MICAL1: variants seen among roughly 807,000 people sequenced by gnomAD.
The protein encoded by MICAL1 is [F-actin]-monooxygenase MICAL1.
MICAL1 carries 95 observed loss-of-function variants against 131.8 expected under a neutral mutation model. That is an observed-to-expected ratio of 0.72 (90% CI 0.61 to 0.86). The LOEUF (loss-of-function observed/expected upper bound fraction) is 0.86, where lower values mean the gene tolerates loss of function less well. Among genes scored for constraint, MICAL1 ranks in the 40% least tolerant of loss-of-function variants. The probability of loss-of-function intolerance (pLI) is 0.00; values close to 1 mark genes in which losing one functional copy is unlikely to be tolerated. For missense variants in MICAL1, 1,292 were observed against 1,380.6 expected (o/e 0.94, Z 1.02); for synonymous variants, 546 against 554.2 (o/e 0.99, Z 0.21).
At chr6:109,445,096 T>C (rs939026199) in intron 22 of MICAL1, 101 bp from the exon 23 acceptor site, 3 of 1,553,478 alleles carry the variant, frequency 1.9e-6, no homozygotes, top group Non-Finnish European at 2.7e-6. Flanking sequence ...GTCACAGGTA[T>C]GTGTTAGCTG....
chr6:109,444,967 C>T lies in MICAL1; in HGVS notation c.2910G>A (p.Trp970Ter). The T allele has an allele frequency of 6.2e-7, 1 of 1,614,062 alleles. No homozygotes were observed. Among genetic ancestry groups the T allele is most frequent in the Non-Finnish European group, 8.5e-7 (1 of 1,180,042 alleles). ...CAACGAGCTGTAGCAGCTGTCCTAC[C>T]CATAGTTTCTTTTGCTGTTCTGGGG... ...SSSPEQQKKL[W>*]VGQLLQLVDK... Residue 970 changes from tryptophan to a stop codon, truncating the protein, a stop_gained, in exon 23 of 25, where the codon TGG (tryptophan) becomes TGA (stop). Transcript: ENST00000358807. LOFTEE classifies it high-confidence loss of function.
At position 109,455,704 on chromosome 6, in the gene MICAL1, C is replaced by A. The variant is rs1775719957; in HGVS notation, c.-44+15G>T. On this transcript the variant is annotated intron_variant, in intron 1 of 24. Coordinates refer to ENST00000358807, the MANE Select transcript of MICAL1 (RefSeq NM_022765.4). This position sits in a 1 kb window ranked among gnomAD's most constrained non-coding sequence, Gnocchi z 4.7. ...CGGCCGCGGGGCTCGCAGCCGGCTC[C>A]GCTGGACGACTTACCGGCGGCTCCG... 2.0e-6 allele frequency: 2 copies of A among 983,382 alleles called. No individual in the cohort carries two copies. Among genetic ancestry groups the A allele is most frequent in the South Asian group, 4.7e-5 (1 of 21,228 alleles). The allele number at this position is 983,382 out of a possible 1,614,324, so 60.9% of individuals were successfully genotyped here.
intron 1 of MICAL1, chr6:109,465,417 GA>G: frequency 1.9e-6 from 1 of 539,816 alleles, no homozygotes; most frequent in South Asian, 2.4e-5. Flanking sequence ...TGTTGCCTAA[GA>G]AAAATAAGAA....
upstream of MICAL1, among the ~76,000 whole-genome samples, chr6:109,458,591 C>T (rs1420961745): frequency 1.3e-5 from 2 of 151,818 alleles, no homozygotes; most frequent in Admixed American, 6.6e-5. Flanking sequence ...GGTGAAACTC[C>T]GTCCAAAAAA....
chr6:109,456,179 C>T (rs2115343636), upstream of MICAL1, among the ~76,000 whole-genome samples: 1 of 152,292 alleles, frequency 6.6e-6, no homozygotes, highest in African/African-American at 2.4e-5. Context: ...GCTCTTTCCC[C>T]GCCGCAAGGC....
rs954443712 is a variant in MICAL1 at position 109,455,707 on chromosome 6, T to A, written c.-44+12A>T. On this transcript the variant is annotated intron_variant, in intron 1 of 24. Coordinates refer to ENST00000358807, the MANE Select transcript of MICAL1 (RefSeq NM_022765.4). This position sits in a 1 kb window ranked among gnomAD's most constrained non-coding sequence, Gnocchi z 4.7. ...CCGCGGGGCTCGCAGCCGGCTCCGC[T>A]GGACGACTTACCGGCGGCTCCGAAG... 4.1e-6 allele frequency: 4 copies of A among 975,998 alleles called. No homozygotes were observed. The African/African-American group carries it at 7.4e-5, about 18-fold the overall frequency. 60.5% of individuals were successfully genotyped at this position (975,998 alleles called of 1,614,324 possible).
chr6:109,446,988 TC>T (rs1413547713), intron 17 of MICAL1, 84 bp downstream of exon 17: 13 of 1,519,210 alleles, frequency 8.6e-6, no homozygotes, highest in Non-Finnish European at 1.2e-5. Context: ...CCTGTTTCCA[TC>T]CTGTGCCTCT....
chr6:109,451,759 A>C lies in MICAL1; in HGVS notation c.833-59T>G, dbSNP rs1775552958. ...CTCCTGATAATGCATCACCTTCCCT[A>C]AACATCCCAACATGGCCTGACCTCT... On this transcript the variant is annotated intron_variant, in intron 6 of 24. Transcript: ENST00000358807. 2.5e-6 allele frequency: 4 copies of C among 1,599,666 alleles called. No homozygotes were observed. The South Asian group carries it at 4.5e-5, about 18-fold the overall frequency.
intron 14 of MICAL1, 37 bp from the exon 15 acceptor site, chr6:109,447,759 T>G: frequency 6.2e-7 from 1 of 1,613,962 alleles, no homozygotes; most frequent in South Asian, 1.1e-5. Context: ...TGTGATGTTT[T>G]GAGGTCCCAG....
intron 7 of MICAL1, 114 bp from the exon 8 acceptor site, chr6:109,450,671 C>G: frequency 8.6e-7 from 1 of 1,166,898 alleles, no homozygotes; most frequent in Non-Finnish European, 1.2e-6. Context: ...AAGGAAGGGG[C>G]TGCCCTAGAC....
At chr6:109,450,660 G>GAAATAAA in intron 7 of MICAL1, 103 bp from the exon 8 acceptor site, 1 of 1,328,380 alleles carries the variant, frequency 7.5e-7, no homozygotes, top group Non-Finnish European at 1.0e-6. Context: ...GGGGCCCAGA[G>GAAATAAA]AAGGAAGGGG....
chr6:109,459,823 A>G (rs1240595588), upstream of MICAL1, among the ~76,000 whole-genome samples: 1 of 152,222 alleles, frequency 6.6e-6, no homozygotes, highest in East Asian at 1.9e-4. Context: ...AACTAAAATT[A>G]TCTTGACAGG....
At chr6:109,445,612 C>T (rs755016556) in intron 20 of MICAL1, 83 bp from the exon 21 acceptor site, 52 of 1,563,014 alleles carry the variant, frequency 3.3e-5, no homozygotes, top group Non-Finnish European at 1.4e-5. Flanking sequence ...AGAAAATAAC[C>T]CGTGCTGAAG....
chr6:109,444,370 G>C (rs765688091), intron 24 of MICAL1, 31 bp from the exon 25 acceptor site: 4 of 1,612,942 alleles, frequency 2.5e-6, no homozygotes, highest in East Asian at 2.2e-5. Flanking sequence ...TTAGAGAACA[G>C]GGAACTGGGC....
intron 15 of MICAL1, 86 bp downstream of exon 15, chr6:109,447,595 A>G: frequency 6.3e-7 from 1 of 1,599,522 alleles, no homozygotes; most frequent in Non-Finnish European, 8.6e-7. Flanking sequence ...GGGGAACAAG[A>G]CATGGGATGA....
Position 109,451,134 on chromosome 6 carries a change from G to T in MICAL1, c.933+466C>A, listed in dbSNP as rs181155842. On this transcript the variant is annotated intron_variant, in intron 7 of 24. Transcript: ENST00000358807. ...CCCAGAATATGATTCCTGCTGCCTT[G>T]TAAATCCCAGGGGAGAACTTTTTTT... is the stretch of plus-strand genomic sequence containing the variant. 2.0e-3 allele frequency among the ~76,000 whole-genome samples: 299 copies of T among 148,702 alleles called. 1 individual carries two copies. Among genetic ancestry groups the T allele is most frequent in the African/African-American group, 7.0e-3 (283 of 40,254 alleles).
chr6:109,451,833 C>T, intron 6 of MICAL1, 133 bp from the exon 7 acceptor site: 1 of 1,455,730 alleles, frequency 6.9e-7, no homozygotes, highest in Non-Finnish European at 9.1e-7. Context: ...CGCATAGAAC[C>T]CCACGAGTCC....
chr6:109,449,126 G>T (rs1775391080), intron 11 of MICAL1: 3 of 662,466 alleles, frequency 4.5e-6, no homozygotes, highest in Non-Finnish European at 7.9e-6. Flanking sequence ...GAGGGCAGCA[G>T]ACTAAACTGG....
chr6:109,462,077 A>T (rs540521568), intron 1 of MICAL1, among the ~76,000 whole-genome samples: 1 of 152,192 alleles, frequency 6.6e-6, no homozygotes, highest in African/African-American at 2.4e-5. Context: ...CCAAATTCAC[A>T]TGTTGATGTC....
Sources: allele counts gnomAD v4.1 joint callset (sites outside exome capture counted in the v4.1 genomes callset), GRCh38; gene constraint gnomAD v4.1.1; non-coding constraint Gnocchi (gnomAD v3.1); transcripts MANE v1.5; gene names NCBI Gene and HGNC (gene_info 2026-07-23, HGNC 2026-07-21).